KCNIP4: variants seen among roughly 807,000 people sequenced by gnomAD.
The protein encoded by KCNIP4 is Kv channel-interacting protein 4.
In KCNIP4, 12 loss-of-function variants were observed where a neutral mutation model predicts 34.0. That is an observed-to-expected ratio of 0.35 (90% CI 0.23 to 0.57). The LOEUF (loss-of-function observed/expected upper bound fraction) is 0.57, where lower values mean the gene tolerates loss of function less well. Ranked by LOEUF, KCNIP4 falls within the 20% of genes least tolerant of loss-of-function variation. The probability of loss-of-function intolerance (pLI) is 0.83; values close to 1 mark genes in which losing one functional copy is unlikely to be tolerated. For synonymous variants in KCNIP4, 124 were observed against 102.2 expected (o/e 1.21, Z -1.29); for missense variants, 238 against 311.7 (o/e 0.76, Z 1.78).
chr4:21,911,760 A>G (rs1253842763), intron 1 of KCNIP4, among the ~76,000 whole-genome samples: 2 of 151,928 alleles, frequency 1.3e-5, no homozygotes, highest in African/African-American at 2.4e-5. Flanking sequence ...TAATTCAATC[A>G]TTAATGATTT....
At chr4:20,984,048 T>C in intron 1 of KCNIP4, 1 of 1,438,582 alleles carries the variant, frequency 7.0e-7, no homozygotes, top group Non-Finnish European at 9.2e-7. Context: ...GAGCAGCTCC[T>C]GGCAGATGCA....
At chr4:21,540,256 A>G (rs1737569109) in intron 1 of KCNIP4, among the ~76,000 whole-genome samples, 1 of 152,162 alleles carries the variant, frequency 6.6e-6, no homozygotes, top group Non-Finnish European at 1.5e-5. Context: ...CTTTTACAAA[A>G]CAGTCATATT....
chr4:21,479,833 G>A (rs564655826), intron 1 of KCNIP4, among the ~76,000 whole-genome samples: 5 of 151,614 alleles, frequency 3.3e-5, no homozygotes, highest in Non-Finnish European at 7.4e-5. Context: ...ACTCAGAAAA[G>A]TTCAACAATT....
intron 1 of KCNIP4, among the ~76,000 whole-genome samples, chr4:21,913,608 T>C (rs1187613684): frequency 1.3e-5 from 2 of 152,184 alleles, no homozygotes; most frequent in East Asian, 3.9e-4. Context: ...AGCAATTTCT[T>C]GTGCCAAGCA....
At chr4:21,431,888 T>C (rs979161077) in intron 1 of KCNIP4, among the ~76,000 whole-genome samples, 5 of 151,070 alleles carry the variant, frequency 3.3e-5, no homozygotes, top group African/African-American at 1.2e-4. Context: ...AATCACAATG[T>C]TTGGTACAGT....
chr4:20,975,754 C>T (rs1289762442), intron 1 of KCNIP4, among the ~76,000 whole-genome samples: 2 of 152,132 alleles, frequency 1.3e-5, no homozygotes, highest in Non-Finnish European at 2.9e-5. Flanking sequence ...AGAACAAGGG[C>T]TGGCAAAATA....
chr4:21,819,773 T>C (rs1379367314), intron 1 of KCNIP4, among the ~76,000 whole-genome samples: 1 of 152,158 alleles, frequency 6.6e-6, no homozygotes, highest in African/African-American at 2.4e-5. Flanking sequence ...AAATATCACA[T>C]AAAACTATCA....
chr4:21,908,741 A>G (rs1228250447), intron 1 of KCNIP4, among the ~76,000 whole-genome samples: 2 of 152,168 alleles, frequency 1.3e-5, no homozygotes, highest in African/African-American at 4.8e-5. Context: ...ATCAGAAATC[A>G]TTTTATTTCT....
At chr4:21,319,759 C>A (rs969465143) in intron 1 of KCNIP4, among the ~76,000 whole-genome samples, 1 of 152,130 alleles carries the variant, frequency 6.6e-6, no homozygotes, top group Non-Finnish European at 1.5e-5. Flanking sequence ...TTTTCCACAA[C>A]AATCAGCTCA....
chr4:21,570,578 TG>T (rs1232361137), intron 1 of KCNIP4, among the ~76,000 whole-genome samples: 16 of 152,134 alleles, frequency 1.1e-4, no homozygotes, highest in African/African-American at 3.6e-4. Flanking sequence ...CTGGATAACT[TG>T]TGGCATCCAT....
At chr4:21,170,414 A>C (rs1753936188) in intron 1 of KCNIP4, among the ~76,000 whole-genome samples, 1 of 152,168 alleles carries the variant, frequency 6.6e-6, no homozygotes, top group African/African-American at 2.4e-5. Context: ...TTTTCTGGAA[A>C]ATTTAGGTAA....
intron 1 of KCNIP4, among the ~76,000 whole-genome samples, chr4:20,963,819 C>A (rs1054760889): frequency 6.6e-6 from 1 of 151,878 alleles, no homozygotes; most frequent in Non-Finnish European, 1.5e-5. Flanking sequence ...ATGGTGAGAG[C>A]GCTGGAGTAG....
At chr4:21,481,657 G>T (rs1428614750) in intron 1 of KCNIP4, among the ~76,000 whole-genome samples, 1 of 152,108 alleles carries the variant, frequency 6.6e-6, no homozygotes, top group Non-Finnish European at 1.5e-5. Context: ...GGCACTGGTG[G>T]GCTTCTGGAC....
chr4:21,386,965 T>C (rs553356649), intron 1 of KCNIP4, among the ~76,000 whole-genome samples: 1 of 152,306 alleles, frequency 6.6e-6, no homozygotes, highest in East Asian at 1.9e-4. Flanking sequence ...ATTCTCATTT[T>C]AGTAGCTAAC....
At chr4:21,249,222 A>C (rs1253795607) in intron 1 of KCNIP4, among the ~76,000 whole-genome samples, 2 of 152,120 alleles carry the variant, frequency 1.3e-5, no homozygotes, top group African/African-American at 4.8e-5. Context: ...ATATACAAAC[A>C]TGCATGCATA....
chr4:21,764,878 T>G (rs1005459497), intron 1 of KCNIP4, among the ~76,000 whole-genome samples: 7 of 151,562 alleles, frequency 4.6e-5, no homozygotes, highest in Admixed American at 2.0e-4. Context: ...TGAAGAGAGG[T>G]GTTTGAAGAG....
At chr4:20,795,595 A>C (rs1353168244) in intron 3 of KCNIP4, among the ~76,000 whole-genome samples, 1 of 152,176 alleles carries the variant, frequency 6.6e-6, no homozygotes, top group Non-Finnish European at 1.5e-5. Flanking sequence ...GCAAGATTTC[A>C]TCTTGATTCT....
At chr4:20,764,750 C>A (rs1405165924) in intron 3 of KCNIP4, among the ~76,000 whole-genome samples, 1 of 151,256 alleles carries the variant, frequency 6.6e-6, no homozygotes, top group Non-Finnish European at 1.5e-5. Flanking sequence ...CCTCATGAAT[C>A]CAATCGTCAT....
chr4:20,796,653 T>C (rs1320374876), intron 3 of KCNIP4, among the ~76,000 whole-genome samples: 7 of 151,946 alleles, frequency 4.6e-5, no homozygotes. Flanking sequence ...ATCACTTTTG[T>C]TTTGAAGACT....
Sources: allele counts gnomAD v4.1 joint callset (sites outside exome capture counted in the v4.1 genomes callset), GRCh38; gene constraint gnomAD v4.1.1; transcripts MANE v1.5; gene names NCBI Gene and HGNC (gene_info 2026-07-23, HGNC 2026-07-21).